Variants in SPOCK1 observed in about 807,000 individuals in gnomAD.
The protein encoded by SPOCK1 is SPARC (osteonectin), cwcv and kazal like domains proteoglycan 1, also known as testican-1.
In SPOCK1, 23 loss-of-function variants were observed where a neutral mutation model predicts 55.3. That is an observed-to-expected ratio of 0.42 (90% CI 0.30 to 0.59). SPOCK1 has a LOEUF of 0.59. SPOCK1 is among the 20% of genes least tolerant of loss of function. The pLI, the probability that SPOCK1 is intolerant of heterozygous loss-of-function variation, is 0.22. For synonymous variants in SPOCK1, 226 were observed against 221.0 expected, an observed-to-expected ratio of 1.02 and a Z score of -0.20; for missense variants, 499 against 552.5, an observed-to-expected ratio of 0.90 and a Z score of 0.97.
At chr5:137,133,059 CTTTT>C (rs1369284721) in intron 4 of SPOCK1, among the ~76,000 whole-genome samples, 2 of 152,152 alleles carry the variant, frequency 1.3e-5, no homozygotes, top group African/African-American at 4.8e-5. Flanking sequence ...TGGCAGTCTT[CTTTT>C]GTTATTTTTA....
chr5:137,270,697 G>A (rs1215408634), intron 2 of SPOCK1, among the ~76,000 whole-genome samples: 1 of 152,296 alleles, frequency 6.6e-6, no homozygotes, highest in East Asian at 1.9e-4. Context: ...CAAGGCAGCA[G>A]GAACTCTCAT....
chr5:137,215,187 G>C (rs1327829646), intron 3 of SPOCK1, among the ~76,000 whole-genome samples: 1 of 152,202 alleles, frequency 6.6e-6, no homozygotes. Context: ...TAAGACATAT[G>C]AGAAGGATGT....
intron 2 of SPOCK1, among the ~76,000 whole-genome samples, chr5:137,276,467 C>A (rs1324416425): frequency 6.6e-6 from 1 of 152,220 alleles, no homozygotes; most frequent in East Asian, 1.9e-4. Context: ...TACTCCTCTG[C>A]AACTCAGCCA....
At chr5:137,156,055 G>T (rs1453167643) in intron 3 of SPOCK1, among the ~76,000 whole-genome samples, 1 of 152,170 alleles carries the variant, frequency 6.6e-6, no homozygotes, top group African/African-American at 2.4e-5. Context: ...ATTAAGGGAT[G>T]GAGTAAGACA....
intron 2 of SPOCK1, among the ~76,000 whole-genome samples, chr5:137,321,731 A>G (rs1263944259): frequency 2.0e-5 from 3 of 152,154 alleles, no homozygotes; most frequent in Non-Finnish European, 4.4e-5. Context: ...CAACAAAATT[A>G]GCCAGGCATG....
chr5:137,288,714 T>C (rs1757312394), intron 2 of SPOCK1, among the ~76,000 whole-genome samples: 2 of 152,166 alleles, frequency 1.3e-5, no homozygotes, highest in African/African-American at 4.8e-5. Flanking sequence ...GCAAGGTTAT[T>C]GAAGTCCCTC....
intron 2 of SPOCK1, among the ~76,000 whole-genome samples, chr5:137,342,777 C>CA (rs1246464720): frequency 2.6e-5 from 4 of 152,238 alleles, no homozygotes; most frequent in African/African-American, 9.6e-5. Context: ...TGCCCTTTGG[C>CA]AACACCGGAG....
intron 2 of SPOCK1, among the ~76,000 whole-genome samples, chr5:137,418,023 C>CA (rs1364401311): frequency 6.6e-6 from 1 of 152,024 alleles, no homozygotes; most frequent in Non-Finnish European, 1.5e-5. Flanking sequence ...TCTCATTGTT[C>CA]AATTCCCACC....
At chr5:137,346,166 C>T (rs962806208) in intron 2 of SPOCK1, among the ~76,000 whole-genome samples, 1 of 152,170 alleles carries the variant, frequency 6.6e-6, no homozygotes, top group African/African-American at 2.4e-5. Context: ...ATCAGATGCC[C>T]TTTGGCTTCC....
At chr5:137,481,151 CA>C (rs1753942366) in intron 2 of SPOCK1, among the ~76,000 whole-genome samples, 1 of 150,890 alleles carries the variant, frequency 6.6e-6, no homozygotes, top group Non-Finnish European at 1.5e-5. Flanking sequence ...GATACTTCTC[CA>C]AAAGGCATTT....
At chr5:137,144,836 GC>G (rs1375085725) in intron 3 of SPOCK1, among the ~76,000 whole-genome samples, 3 of 152,186 alleles carry the variant, frequency 2.0e-5, no homozygotes, top group Non-Finnish European at 2.9e-5. Flanking sequence ...GAGCGTGACA[GC>G]CCTGAGCAGA....
chr5:137,384,829 C>T (rs910198971), intron 2 of SPOCK1, among the ~76,000 whole-genome samples: 1 of 152,014 alleles, frequency 6.6e-6, no homozygotes, highest in African/African-American at 2.4e-5. Context: ...GATTTAGTGT[C>T]CACCCTAAAC....
At chr5:137,426,692 A>T (rs1752618888) in intron 2 of SPOCK1, among the ~76,000 whole-genome samples, 1 of 152,176 alleles carries the variant, frequency 6.6e-6, no homozygotes, top group East Asian at 1.9e-4. Flanking sequence ...CCTAAACATG[A>T]TGTAAGAACT....
intron 8 of SPOCK1, among the ~76,000 whole-genome samples, chr5:136,985,647 A>C (rs532503296): frequency 6.6e-6 from 1 of 152,282 alleles, no homozygotes; most frequent in South Asian, 2.1e-4. Context: ...TGGTTACTTC[A>C]GACCTCACCA....
chr5:137,155,883 G>T (rs903504430), intron 3 of SPOCK1, among the ~76,000 whole-genome samples: 6 of 152,212 alleles, frequency 3.9e-5, no homozygotes, highest in Non-Finnish European at 8.8e-5. Context: ...CAGACCCACT[G>T]GGCGGCCTTG....
intron 7 of SPOCK1, among the ~76,000 whole-genome samples, chr5:136,990,370 A>G (rs1336088396): frequency 6.6e-6 from 1 of 151,918 alleles, no homozygotes; most frequent in Non-Finnish European, 1.5e-5. Flanking sequence ...CTGAGGGAAA[A>G]GACTGTCTTG....
chr5:136,995,701 T>C (rs191826114), intron 6 of SPOCK1, among the ~76,000 whole-genome samples: 1 of 152,322 alleles, frequency 6.6e-6, no homozygotes, highest in East Asian at 1.9e-4. Flanking sequence ...CGTGTTTAAC[T>C]AAACCCTGAC....
intron 2 of SPOCK1, among the ~76,000 whole-genome samples, chr5:137,330,682 A>G (rs940729304): frequency 1.3e-5 from 2 of 152,212 alleles, no homozygotes; most frequent in African/African-American, 2.4e-5. Context: ...CCATGCCTAC[A>G]TGAGCTCAAT....
At chr5:137,391,127 C>A (rs548951144) in intron 2 of SPOCK1, among the ~76,000 whole-genome samples, 152 of 152,246 alleles carry the variant, frequency 1.0e-3, no homozygotes, top group Middle Eastern at 3.4e-3. Flanking sequence ...GTTCTATTCC[C>A]ACTTATGAGC....
Sources: allele counts gnomAD v4.1 joint callset (sites outside exome capture counted in the v4.1 genomes callset), GRCh38; gene constraint gnomAD v4.1.1; transcripts MANE v1.5; gene names NCBI Gene and HGNC (gene_info 2026-07-23, HGNC 2026-07-21).